The following YLPM1 variants were observed in gnomAD, a reference collection of about 807,000 sequenced individuals.
YLPM1 encodes YLP motif containing 1, also known as YLP motif-containing protein 1.
In YLPM1, 99 loss-of-function variants were observed where a neutral mutation model predicts 230.0. The ratio of observed to expected loss-of-function variants is 0.43; its 90% CI spans 0.37 to 0.51. The LOEUF is 0.51. Among genes scored for constraint, YLPM1 ranks in the 20% least tolerant of loss-of-function variants. The probability of loss-of-function intolerance (pLI) is 0.00; values close to 1 mark genes in which losing one functional copy is unlikely to be tolerated. For synonymous variants in YLPM1, 984 were observed against 942.5 expected (o/e 1.04, Z -0.81); for missense variants, 2,592 against 2,707.7 (o/e 0.96, Z 0.95).
chr14:74,785,397 T>C (rs1234538451), intron 4 of YLPM1, among the ~76,000 whole-genome samples: 1 of 152,240 alleles, frequency 6.6e-6, no homozygotes, highest in African/African-American at 2.4e-5. Flanking sequence ...ACGTTTCCCC[T>C]AACTAGCTTA....
chr14:74,834,572 T>C (rs1278439212), intron 19 of YLPM1, among the ~76,000 whole-genome samples: 1 of 152,182 alleles, frequency 6.6e-6, no homozygotes, highest in African/African-American at 2.4e-5. Context: ...GATTATTTGA[T>C]TGGCAAAGGA....
intron 11 of YLPM1, among the ~76,000 whole-genome samples, chr14:74,814,818 G>C (rs1201106750): frequency 6.6e-6 from 1 of 152,140 alleles, no homozygotes; most frequent in Admixed American, 6.5e-5. Context: ...TAAATGTTTG[G>C]TGAATTCAGT....
At chr14:74,778,849 T>C (rs2091066965) in intron 2 of YLPM1, among the ~76,000 whole-genome samples, 166 bp downstream of exon 2, 1 of 152,186 alleles carries the variant, frequency 6.6e-6, no homozygotes, top group Non-Finnish European at 1.5e-5. Flanking sequence ...TTTGTTTGTT[T>C]ATTTATTTTG....
intron 19 of YLPM1, among the ~76,000 whole-genome samples, chr14:74,834,316 A>T (rs1253881358): frequency 6.6e-6 from 1 of 152,204 alleles, no homozygotes; most frequent in South Asian, 2.1e-4. Context: ...GCCATGAATT[A>T]TATCAGTTGA....
At position 74,830,821 on chromosome 14, in the gene YLPM1, G is replaced by A. The variant is rs547111323; in HGVS notation, c.6294+1478G>A. On this transcript the variant is annotated intron_variant, in intron 19 of 20. Transcript: ENST00000325680. ...TCACATGAACTCAGAGTGTGAACTC[G>A]CTCATTACCGTCAGGAGGGCACCAA... 3.9e-5 allele frequency among the ~76,000 whole-genome samples: 6 copies of A among 152,272 alleles called. No individual in the cohort carries two copies. The South Asian group carries it at 6.2e-4, about 16-fold the overall frequency.
chr14:74,773,024 A>C lies in YLPM1; in HGVS notation c.874-5423A>C, dbSNP rs1260529027. On this transcript the variant is annotated intron_variant, in intron 1 of 20. Transcript: ENST00000325680. ...ACAAGGCGGCCGGGCACGGTGGCTC[A>C]CGCCTGTAATCCCAGCACTTTGGGA... 2.6e-5 allele frequency among the ~76,000 whole-genome samples: 4 copies of C among 152,098 alleles called. No homozygotes were observed. The East Asian group carries it at 7.8e-4, about 30-fold the overall frequency.
intron 1 of YLPM1, among the ~76,000 whole-genome samples, chr14:74,768,697 A>G (rs2090939872): frequency 6.6e-6 from 1 of 152,222 alleles, no homozygotes; most frequent in South Asian, 2.1e-4. Flanking sequence ...AGGTACTATG[A>G]GTACTGTGCT....
At chr14:74,772,716 CTATAT>C (rs1350956373) in intron 1 of YLPM1, among the ~76,000 whole-genome samples, 1 of 152,026 alleles carries the variant, frequency 6.6e-6, no homozygotes, top group Non-Finnish European at 1.5e-5. Flanking sequence ...TAAATGTGAC[CTATAT>C]TATGATTTCC....
intron 4 of YLPM1, among the ~76,000 whole-genome samples, chr14:74,793,614 T>C (rs534020225): frequency 6.6e-6 from 1 of 152,344 alleles, no homozygotes; most frequent in Admixed American, 6.5e-5. Flanking sequence ...TCTTTCATTT[T>C]GGACGTGTTC....
intron 1 of YLPM1, among the ~76,000 whole-genome samples, chr14:74,766,635 T>A (rs960903530): frequency 7.8e-6 from 1 of 128,196 alleles, no homozygotes; most frequent in African/African-American, 2.6e-5. Context: ...CATGCCTGGC[T>A]ATTTTTTTTT....
chr14:74,802,397 A>G (rs1289411039), intron 5 of YLPM1, among the ~76,000 whole-genome samples, 159 bp from the exon 6 acceptor site: 1 of 152,194 alleles, frequency 6.6e-6, no homozygotes, highest in Non-Finnish European at 1.5e-5. Flanking sequence ...CATAAAAGCA[A>G]AAGAGGGTAA....
intron 5 of YLPM1, among the ~76,000 whole-genome samples, chr14:74,801,274 G>A (rs539965862): frequency 5.3e-5 from 8 of 152,238 alleles, no homozygotes; most frequent in Admixed American, 1.3e-4. Context: ...GTGTAAAGTC[G>A]TAAGGAGTAT....
rs766804031 is a variant in YLPM1 at position 74,781,817 on chromosome 14, C to T, written c.1774C>T (p.Pro592Ser). Residue 592 changes from proline (P) to serine (S), a missense_variant, in exon 4 of 21, where the codon CCC (proline) becomes TCC (serine). Transcript: ENST00000325680. Reference protein sequence around the residue: ...LSSAGPPPVLPPPSLSSAGPP... With the variant: ...LSSAGPPPVLSPPSLSSAGPP... ...TTCTGCAGGGCCACCACCAGTTCTC[C>T]CCCCACCTTCCCTGTCTTCTGCAGG... 1.2e-6 allele frequency: 2 copies of T among 1,611,982 alleles called. No individual in the cohort carries two copies. The highest frequency in any genetic ancestry group is 4.5e-5 in the East Asian group (2 of 44,834).
intron 4 of YLPM1, among the ~76,000 whole-genome samples, chr14:74,783,418 T>C (rs2091115230): frequency 6.6e-6 from 1 of 152,132 alleles, no homozygotes. Context: ...TTTTTCTCAG[T>C]TGGGAATTGT....
chr14:74,796,790 G>A lies in YLPM1; in HGVS notation c.2283-790G>A, dbSNP rs145542818. On this transcript the variant is annotated intron_variant, in intron 4 of 20. Transcript: ENST00000325680. ...TTAACTTTTGTCAATCAAAATGTTAGTGCTAGCTCTAACAATATTTATAAT... is the reference window on the plus strand; with the variant it reads ...TTAACTTTTGTCAATCAAAATGTTAATGCTAGCTCTAACAATATTTATAAT... Among the ~76,000 whole-genome samples, 9 of 148,138 alleles carry A rather than the reference G, an allele frequency of 6.1e-5. No homozygotes were observed. The East Asian group carries it at 1.8e-3, about 29-fold the overall frequency.
rs377685638 is a variant in YLPM1 at position 74,763,460 on chromosome 14, C to T, written c.-30C>T. On this transcript the variant is annotated 5_prime_UTR_variant, in exon 1 of 21. Transcript: ENST00000325680. Reference sequence around the variant, plus strand: ...GGTCGGTTGCGACGAGTAACGGCGCCAGGACGAGCCCTGCGCCTTCTTTTT... The same window carrying T: ...GGTCGGTTGCGACGAGTAACGGCGCTAGGACGAGCCCTGCGCCTTCTTTTT... The T allele has an allele frequency of 3.2e-5, 45 of 1,397,582 alleles. No individual in the cohort carries two copies. The African/African-American group carries it at 6.3e-4, about 20-fold the overall frequency. The allele number at this position is 1,397,582 out of a possible 1,614,324, so 86.6% of individuals were successfully genotyped here.
intron 11 of YLPM1, 90 bp downstream of exon 11, chr14:74,812,872 C>A: frequency 1.4e-6 from 2 of 1,437,808 alleles, no homozygotes; most frequent in Non-Finnish European, 1.9e-6. Context: ...TATTTTTCTG[C>A]AACATAGTAA....
intron 1 of YLPM1, among the ~76,000 whole-genome samples, chr14:74,775,977 A>G (rs2091032948): frequency 6.6e-6 from 1 of 152,174 alleles, no homozygotes; most frequent in South Asian, 2.1e-4. Context: ...CATCCATACA[A>G]TTGTAGTAGA....
Position 74,763,388 on chromosome 14 carries a change from A to C in YLPM1, c.-102A>C, listed in dbSNP as rs1051113880. On this transcript the variant is annotated 5_prime_UTR_variant, in exon 1 of 21. Transcript: ENST00000325680. ...TCCGTTTACACGCTCCGGGGCCTGT[A>C]GGCGCCGCGAGTTCCGGCTGTCGCC... 5.6e-5 allele frequency: 75 copies of C among 1,348,728 alleles called. No individual in the cohort carries two copies. Among genetic ancestry groups the C allele is most frequent in the Non-Finnish European group, 7.1e-5 (74 of 1,036,064 alleles). The allele number at this position is 1,348,728 out of a possible 1,614,324, so 83.5% of individuals were successfully genotyped here.
Sources: gnomAD v4.1 joint callset for allele counts (sites outside exome capture counted in the v4.1 genomes callset) on GRCh38, gnomAD v4.1.1 for gene constraint, MANE v1.5 for transcripts, NCBI Gene and HGNC (gene_info 2026-07-23, HGNC 2026-07-21) for gene names.